Variants in CNTN3 observed in about 807,000 individuals in gnomAD.
CNTN3 encodes contactin-3.
CNTN3 carries 60 observed loss-of-function variants against 119.1 expected under a neutral mutation model. That is an observed-to-expected ratio of 0.50 (90% CI 0.41 to 0.62). CNTN3 has a LOEUF of 0.62. CNTN3 is among the 20% of genes least tolerant of loss of function. The probability of loss-of-function intolerance (pLI) is 0.00; values close to 1 mark genes in which losing one functional copy is unlikely to be tolerated. For synonymous variants in CNTN3, 450 were observed against 438.7 expected, an observed-to-expected ratio of 1.03 and a Z score of -0.32; for missense variants, 1,101 against 1,242.4, an observed-to-expected ratio of 0.89 and a Z score of 1.71.
chr3:74,549,113 C>G (rs767393756), intron 1 of CNTN3, among the ~76,000 whole-genome samples: 3 of 152,138 alleles, frequency 2.0e-5, no homozygotes, highest in Admixed American at 6.5e-5. Context: ...GGAGGTGAGG[C>G]TCTGGTGGAC....
In CNTN3 at chr3:74,334,799, C is replaced by G; in HGVS notation, c.1604G>C (p.Trp535Ser). The change falls in exon 13 of 23, where the codon TGG becomes TCG. Residue 535 changes from tryptophan to serine, a missense_variant. Transcript: ENST00000263665. ...ATCTGCAAGGGCCCCATTGAAATAC[C>G]AGGTAAAGATGATGTCTAACAGCGG... ...HDPLLDIIFT[W>S]YFNGALADFK... 6.2e-7 allele frequency: 1 copy of G among 1,613,554 alleles called. No individual in the cohort carries two copies. The highest frequency in any genetic ancestry group is 8.5e-7 in the Non-Finnish European group (1 of 1,179,660).
chr3:74,326,728 G>A (rs1468764975), intron 13 of CNTN3, among the ~76,000 whole-genome samples: 1 of 152,014 alleles, frequency 6.6e-6, no homozygotes, highest in Non-Finnish European at 1.5e-5. Flanking sequence ...ATACTATTGG[G>A]TTTTGAGTAG....
intron 1 of CNTN3, among the ~76,000 whole-genome samples, chr3:74,585,353 A>G (rs1282809207): frequency 1.3e-5 from 2 of 152,166 alleles, no homozygotes; most frequent in African/African-American, 4.8e-5. Context: ...TAAATATTAA[A>G]GGATAACTAT....
chr3:74,458,792 T>C (rs142563682), intron 4 of CNTN3, among the ~76,000 whole-genome samples: 340 of 152,140 alleles, frequency 2.2e-3, no homozygotes, highest in Middle Eastern at 0.01. Context: ...TCAACACTCA[T>C]AGATCTATAC....
intron 5 of CNTN3, among the ~76,000 whole-genome samples, chr3:74,407,698 A>G (rs762882573): frequency 2.0e-5 from 3 of 152,076 alleles, no homozygotes; most frequent in Non-Finnish European, 4.4e-5. Context: ...GTACAGTGAC[A>G]GATGCATTGA....
intron 4 of CNTN3, among the ~76,000 whole-genome samples, chr3:74,440,789 T>C (rs1368203650): frequency 2.0e-5 from 3 of 152,312 alleles, no homozygotes; most frequent in Middle Eastern, 3.4e-3. Flanking sequence ...TCATATGCAT[T>C]AGGTCATTTG....
In CNTN3 at chr3:74,390,800, T is replaced by A. The variant is rs183544188; in HGVS notation, c.455-19401A>T. Among the ~76,000 whole-genome samples the A allele has an allele frequency of 5.3e-5, 8 of 152,206 alleles. No individual in the cohort carries two copies. In the East Asian group the frequency reaches 1.5e-3, roughly 29 times the overall value. ...ACGTGGTAATGGGATAATAAAAGAT[T>A]TAGCAGTGTTCAGATAAATGGGCGA... On this transcript the variant is annotated intron_variant, in intron 5 of 22. Transcript: ENST00000263665.
At chr3:74,445,393 G>C (rs1165520559) in intron 4 of CNTN3, among the ~76,000 whole-genome samples, 1 of 152,008 alleles carries the variant, frequency 6.6e-6, no homozygotes, top group Admixed American at 6.6e-5. Flanking sequence ...CTCTCGAGCA[G>C]CTGGGATTAC....
At chr3:74,296,867 C>T (rs1320307322) in intron 18 of CNTN3, among the ~76,000 whole-genome samples, 1 of 146,352 alleles carries the variant, frequency 6.8e-6, no homozygotes, top group Admixed American at 6.6e-5. Context: ...TTAGTTTCTG[C>T]CATTTTTTTT....
At chr3:74,417,562 C>G (rs1575705403) in intron 5 of CNTN3, among the ~76,000 whole-genome samples, 1 of 152,170 alleles carries the variant, frequency 6.6e-6, no homozygotes, top group South Asian at 2.1e-4. Context: ...CCTGGATGGA[C>G]AGACTTAGAA....
chr3:74,570,915 A>T (rs1033783001), intron 1 of CNTN3, among the ~76,000 whole-genome samples: 1 of 152,202 alleles, frequency 6.6e-6, no homozygotes, highest in East Asian at 1.9e-4. Context: ...TTTGGTATTC[A>T]ACTCCTAAGG....
intron 5 of CNTN3, among the ~76,000 whole-genome samples, chr3:74,410,969 A>G (rs1046714815): frequency 7.9e-5 from 12 of 152,160 alleles, no homozygotes; most frequent in African/African-American, 2.9e-4. Flanking sequence ...GAATAAATTC[A>G]GGCAACTGAC....
At chr3:74,350,714 T>C (rs568897659) in intron 11 of CNTN3, among the ~76,000 whole-genome samples, 2 of 152,022 alleles carry the variant, frequency 1.3e-5, no homozygotes, top group South Asian at 2.1e-4. Context: ...ATATGGTACA[T>C]ATACAGCATG....
rs957496163 is a variant in CNTN3 at position 74,287,199 on chromosome 3, T to C, written c.2518-1708A>G. Among the ~76,000 whole-genome samples, 167 of 152,334 alleles carry C rather than the reference T, an allele frequency of 1.1e-3. 4 individuals carry two copies. The highest frequency in any genetic ancestry group is 0.011 in the Admixed American group (163 of 15,294). On this transcript the variant is annotated intron_variant, in intron 19 of 22. Coordinates refer to ENST00000263665, the MANE Select transcript of CNTN3 (RefSeq NM_020872.3). ...TTGATGAGGCAATACAATTTTTTCC[T>C]TCAGAATCATAAAACCATTTCACAA...
intron 5 of CNTN3, among the ~76,000 whole-genome samples, chr3:74,395,181 CCT>C (rs751081147): frequency 6.6e-6 from 1 of 152,144 alleles, no homozygotes; most frequent in Non-Finnish European, 1.5e-5. Context: ...ACATCATCTT[CCT>C]CTCTGTGTTC....
chr3:74,363,309 T>C (rs1441511714), intron 10 of CNTN3, among the ~76,000 whole-genome samples: 3 of 152,194 alleles, frequency 2.0e-5, no homozygotes, highest in African/African-American at 7.2e-5. Flanking sequence ...GCAGGGTTTT[T>C]TCAATCACTC....
chr3:74,324,881 G>A (rs944947210), intron 13 of CNTN3, among the ~76,000 whole-genome samples: 10 of 152,202 alleles, frequency 6.6e-5, no homozygotes, highest in Middle Eastern at 3.2e-3. Flanking sequence ...AGCCTGTACT[G>A]TGAGAGAAAA....
At chr3:74,457,287 C>T (rs1702287383) in intron 4 of CNTN3, among the ~76,000 whole-genome samples, 1 of 151,944 alleles carries the variant, frequency 6.6e-6, no homozygotes, top group South Asian at 2.1e-4. Context: ...CAGTTTTCAG[C>T]AAATAACTTG....
intron 5 of CNTN3, among the ~76,000 whole-genome samples, chr3:74,387,742 C>A (rs1704787262): frequency 6.6e-6 from 1 of 152,206 alleles, no homozygotes; most frequent in Non-Finnish European, 1.5e-5. Context: ...CTAGAGAGAA[C>A]TTGCTTTGAC....
Sources: allele counts gnomAD v4.1 joint callset (sites outside exome capture counted in the v4.1 genomes callset), GRCh38; gene constraint gnomAD v4.1.1; transcripts MANE v1.5; gene names NCBI Gene and HGNC (gene_info 2026-07-23, HGNC 2026-07-21).